ITPRID1: variants seen among roughly 807,000 people sequenced by gnomAD.
The protein encoded by ITPRID1 is ITPR interacting domain containing 1, also known as protein ITPRID1.
A neutral mutation model predicts 95.4 loss-of-function variants in ITPRID1; 96 were observed. The observed-to-expected ratio is 1.01, with a 90% CI of 0.85 to 1.19. ITPRID1 has a LOEUF of 1.19. Among genes scored for constraint, ITPRID1 ranks in the 50% most tolerant of loss-of-function variants. The probability of loss-of-function intolerance (pLI) is 0.00; values close to 1 mark genes in which losing one functional copy is unlikely to be tolerated. For missense variants in ITPRID1, 1,339 were observed against 1,252.9 expected, an observed-to-expected ratio of 1.07 and a Z score of -1.04; for synonymous variants, 510 against 453.6, an observed-to-expected ratio of 1.12 and a Z score of -1.58.
chr7:31,626,892 T>G (rs916249016), intron 10 of ITPRID1, among the ~76,000 whole-genome samples: 1 of 152,216 alleles, frequency 6.6e-6, no homozygotes, highest in African/African-American at 2.4e-5. Context: ...AAATGTTTGT[T>G]TGTGGGATAA....
At chr7:31,599,443 G>C (rs1195827747) in intron 10 of ITPRID1, among the ~76,000 whole-genome samples, 1 of 152,082 alleles carries the variant, frequency 6.6e-6, no homozygotes, top group Non-Finnish European at 1.5e-5. Context: ...CTCTGGACAT[G>C]AATGAAAGGA....
At chr7:31,630,511 A>G (rs1162281187) in intron 10 of ITPRID1, among the ~76,000 whole-genome samples, 1 of 152,178 alleles carries the variant, frequency 6.6e-6, no homozygotes, top group Non-Finnish European at 1.5e-5. Flanking sequence ...AGTAATGTTG[A>G]ACTAATAAAG....
intron 1 of ITPRID1, among the ~76,000 whole-genome samples, chr7:31,518,666 C>T (rs1030334032): frequency 4.6e-5 from 7 of 152,152 alleles, no homozygotes; most frequent in African/African-American, 7.2e-5. Context: ...CTTTATCGCA[C>T]GGGTATTTTC....
At chr7:31,623,859 T>A (rs538498192) in intron 10 of ITPRID1, among the ~76,000 whole-genome samples, 3 of 152,140 alleles carry the variant, frequency 2.0e-5, no homozygotes, top group Non-Finnish European at 4.4e-5. Flanking sequence ...TATGATTTTA[T>A]ATGTAGAAAA....
At chr7:31,617,729 G>A (rs1381382262) in intron 10 of ITPRID1, among the ~76,000 whole-genome samples, 1 of 152,012 alleles carries the variant, frequency 6.6e-6, no homozygotes, top group Admixed American at 6.6e-5. Flanking sequence ...GTACTTTAAG[G>A]ATAATACTCT....
At chr7:31,556,125 T>C (rs1784438468) in intron 5 of ITPRID1, among the ~76,000 whole-genome samples, 1 of 151,962 alleles carries the variant, frequency 6.6e-6, no homozygotes, top group East Asian at 1.9e-4. Context: ...AAGCTTCACT[T>C]CCCAGAAATT....
intron 1 of ITPRID1, among the ~76,000 whole-genome samples, chr7:31,523,028 G>A (rs956222561): frequency 6.6e-6 from 1 of 152,148 alleles, no homozygotes; most frequent in East Asian, 1.9e-4. Flanking sequence ...TGTAGATAGT[G>A]AGTTTTTGAT....
rs903031608 is a variant in ITPRID1, at chr7:31,642,934, A to G, written c.1564A>G (p.Met522Val). 1 of 1,614,028 alleles carries G rather than the reference A, an allele frequency of 6.2e-7. No homozygotes were observed. Residue 522 changes from methionine (M) to valine (V), a missense_variant, in exon 12 of 15, where the codon ATG becomes GTG. Coordinates refer to ENST00000615280, the MANE Select transcript of ITPRID1 (RefSeq NM_001257967.3). ...GCCACCAGAGCTGTATATCCCAGAC[A>G]TGGCCTGTGCCAAGACCACCACGAG... ...EGPPELYIPD[M>V]ACAKTTTRGE...
downstream of ITPRID1, chr7:31,658,481 A>G (rs1419434315): frequency 2.3e-5 from 27 of 1,181,562 alleles, no homozygotes; most frequent in Non-Finnish European, 3.0e-5. Flanking sequence ...TTAGAGTATC[A>G]AAGTGGTGCC....
intron 5 of ITPRID1, among the ~76,000 whole-genome samples, chr7:31,558,574 G>A (rs1784528562): frequency 6.6e-6 from 1 of 152,108 alleles, no homozygotes; most frequent in South Asian, 2.1e-4. Flanking sequence ...AGATGACTAG[G>A]TTCTAGAGAC....
In ITPRID1 at chr7:31,652,607, A is replaced by G. The variant is rs1791062379; in HGVS notation, c.2913A>G (p.Ser971=). ...TAGAAGAAAGCAATGGGCAGACTTC[A>G]TGTTCTAAAATCCACCCAGGCATGG... ...NWIEESNGQT[S]CSKIHPGMAP... Residue 971 remains serine, a synonymous_variant, in exon 15 of 15, where the codon TCA becomes TCG. Coordinates refer to ENST00000615280, the MANE Select transcript of ITPRID1 (RefSeq NM_001257967.3). 4 of 1,613,436 alleles carry G rather than the reference A, an allele frequency of 2.5e-6. No homozygotes were observed. In the East Asian group the frequency reaches 6.7e-5, roughly 27 times the overall value.
chr7:31,614,319 GGTGAGATTATGGGAGT>G (rs1418400529), intron 10 of ITPRID1, among the ~76,000 whole-genome samples: 4 of 151,978 alleles, frequency 2.6e-5, no homozygotes, highest in African/African-American at 4.8e-5. Context: ...CTTTTACTTT[GGTGAGATTATGGGAGT>G]AAAAGTGAGG....
At chr7:31,561,038 C>T (rs574777713) in intron 5 of ITPRID1, among the ~76,000 whole-genome samples, 6 of 151,716 alleles carry the variant, frequency 4.0e-5, no homozygotes, top group Non-Finnish European at 8.8e-5. Context: ...CAGTGTGTCA[C>T]GGTGGGAATG....
At chr7:31,519,614 CTCTCTCTATATATATATAT>C (rs1783162655) in intron 1 of ITPRID1, among the ~76,000 whole-genome samples, 2 of 43,182 alleles carry the variant, frequency 4.6e-5, no homozygotes, top group Non-Finnish European at 8.9e-5. Context: ...CTCTCTCTCT[CTCTCTCTATATATATATAT>C]ATATATATAT....
chr7:31,551,366 C>A (rs886381580), intron 2 of ITPRID1, among the ~76,000 whole-genome samples: 1 of 143,418 alleles, frequency 7.0e-6, no homozygotes, highest in Non-Finnish European at 1.6e-5. Context: ...TCTAGTATAC[C>A]AAACAATTCT....
chr7:31,638,805 C>G (rs779816820), intron 10 of ITPRID1, among the ~76,000 whole-genome samples: 6 of 152,134 alleles, frequency 3.9e-5, no homozygotes, highest in Non-Finnish European at 5.9e-5. Context: ...GAGATGGAGA[C>G]TTGCTCTGTC....
chr7:31,593,648 G>A (rs888478365), intron 10 of ITPRID1, among the ~76,000 whole-genome samples: 9 of 152,162 alleles, frequency 5.9e-5, no homozygotes, highest in Non-Finnish European at 1.2e-4. Context: ...ACTTTAAAAT[G>A]TGACCTGACG....
intron 1 of ITPRID1, chr7:31,529,611 G>T: frequency 1.7e-6 from 1 of 581,888 alleles, no homozygotes; most frequent in Non-Finnish European, 3.0e-6. Context: ...ATGGCTTTAG[G>T]CAAACAGACT....
intron 5 of ITPRID1, among the ~76,000 whole-genome samples, chr7:31,557,099 G>T (rs1455933013): frequency 1.3e-5 from 2 of 151,768 alleles, no homozygotes; most frequent in Non-Finnish European, 2.9e-5. Flanking sequence ...TTGGATTAAG[G>T]ATCCTATGTA....
Sources: gnomAD v4.1 joint callset for allele counts (sites outside exome capture counted in the v4.1 genomes callset) on GRCh38, gnomAD v4.1.1 for gene constraint, MANE v1.5 for transcripts, NCBI Gene and HGNC (gene_info 2026-07-23, HGNC 2026-07-21) for gene names.